The following COL18A1 variants were observed in gnomAD, a reference collection of about 807,000 sequenced individuals.
The protein encoded by COL18A1 is collagen alpha-1(XVIII) chain.
COL18A1 carries 133 observed loss-of-function variants against 168.0 expected under a neutral mutation model. The observed-to-expected ratio is 0.79, with a 90% confidence interval of 0.69 to 0.91. The LOEUF is 0.91. Among genes scored for constraint, COL18A1 ranks in the 40% least tolerant of loss-of-function variants. The pLI is 0.00. For missense variants in COL18A1, 2,126 were observed against 1,925.4 expected (o/e 1.10, Z -1.95); for synonymous variants, 949 against 809.0 (o/e 1.17, Z -2.94).
At chr21:45,429,874 A>G (rs1455961565) in intron 2 of COL18A1, among the ~76,000 whole-genome samples, 1 of 151,518 alleles carries the variant, frequency 6.6e-6, no homozygotes, top group African/African-American at 2.4e-5. Context: ...GTGCCAGGCC[A>G]GGAGTGCTGT....
chr21:45,419,512 C>A (rs1416329547), intron 2 of COL18A1, among the ~76,000 whole-genome samples: 1 of 152,064 alleles, frequency 6.6e-6, no homozygotes, highest in African/African-American at 2.4e-5. Context: ...ACTGTTCGGG[C>A]CCTGGGGTGG....
Position 45,505,437 on chromosome 21 carries a change from T to A in COL18A1, c.3087+6T>A. The A allele has an allele frequency of 6.6e-7, 1 of 1,513,436 alleles. No homozygotes were observed. The highest frequency in any genetic ancestry group is 9.1e-7 in the Non-Finnish European group (1 of 1,103,332). 93.8% of individuals were successfully genotyped at this position (1,513,436 alleles called of 1,614,324 possible). ...CCATGGGCGCCTCCTCAGGGGTAAGTGTCTGGGCAGCCGGCTGGGCACCTG... is the reference window on the plus strand; with the variant it reads ...CCATGGGCGCCTCCTCAGGGGTAAGAGTCTGGGCAGCCGGCTGGGCACCTG... On this transcript the variant is annotated splice_donor_region_variant and intron_variant, in intron 36 of 41. Coordinates refer to ENST00000651438, the MANE Select transcript of COL18A1 (RefSeq NM_001379500.1).
chr21:45,423,606 C>T lies in COL18A1; in HGVS notation c.106+18133C>T, dbSNP rs1300808191. Among the ~76,000 whole-genome samples, 5 of 152,082 alleles carry T rather than the reference C, an allele frequency of 3.3e-5. No homozygotes were observed. Among genetic ancestry groups the T allele is most frequent in the African/African-American group, 9.7e-5 (4 of 41,376 alleles). On this transcript the variant is annotated intron_variant, in intron 2 of 41. Coordinates refer to ENST00000651438, the MANE Select transcript of COL18A1 (RefSeq NM_001379500.1). The surrounding 1 kb of genome is among the most constrained non-coding windows in gnomAD (Gnocchi z 4.0). ...TCAGCCCAGGTTGTCCCCACCCCCA[C>T]CTGAGTTACTGCGGAACCAAGGGGC...
chr21:45,468,424 C>T lies in COL18A1; in HGVS notation c.289C>T (p.His97Tyr). 5 of 1,614,060 alleles carry T rather than the reference C, an allele frequency of 3.1e-6. No homozygotes were observed. Among genetic ancestry groups the T allele is most frequent in the Non-Finnish European group, 4.2e-6 (5 of 1,180,038 alleles). ...CTTCCGTGACTTCTCACTGCTGTTC[C>T]ACATCCGGCCAGCCACAGAGGGCCC... Reference protein sequence around the residue: ...LFFRDFSLLFHIRPATEGPGV... With the variant: ...LFFRDFSLLFYIRPATEGPGV... The change falls in exon 3 of 42, where the codon CAC becomes TAC. Residue 97 changes from histidine to tyrosine, a missense_variant. Transcript: ENST00000651438.
intron 2 of COL18A1, among the ~76,000 whole-genome samples, chr21:45,438,304 T>C (rs1244157903): frequency 1.5e-5 from 1 of 68,724 alleles, no homozygotes. Flanking sequence ...ACACACACAC[T>C]CAGACACACA....
chr21:45,418,677 C>T (rs796693012), intron 2 of COL18A1, among the ~76,000 whole-genome samples: 51 of 152,274 alleles, frequency 3.3e-4, no homozygotes, highest in African/African-American at 1.2e-3. Context: ...CCTGGGGTCT[C>T]AGGGAAGCGG....
At chr21:45,501,606 G>A (rs1568935388) in intron 32 of COL18A1, among the ~76,000 whole-genome samples, 1 of 152,140 alleles carries the variant, frequency 6.6e-6, no homozygotes, top group Non-Finnish European at 1.5e-5. Flanking sequence ...CACTGCAGCC[G>A]CAGGGGCCTT....
intron 2 of COL18A1, among the ~76,000 whole-genome samples, chr21:45,445,127 T>A (rs980704043): frequency 6.6e-6 from 1 of 152,128 alleles, no homozygotes; most frequent in African/African-American, 2.4e-5. Flanking sequence ...CCGCCCTCCC[T>A]CCCTCCAGTC....
chr21:45,512,411 T>C lies in COL18A1; in HGVS notation c.*13T>C, dbSNP rs747722915. 4 of 1,611,026 alleles carry C rather than the reference T, an allele frequency of 2.5e-6. No homozygotes were observed. In the Admixed American group the frequency reaches 6.7e-5, roughly 27 times the overall value. On this transcript the variant is annotated 3_prime_UTR_variant, in exon 42 of 42. Transcript: ENST00000651438. ...TGCCTCCAAGTAGCCACCGCCTGGA[T>C]GCGGATGGCCGGAGAGGACCGGCGG...
chr21:45,509,510 C>T lies in COL18A1; in HGVS notation c.3404C>T (p.Pro1135Leu), dbSNP rs757216963. 3.3e-6 allele frequency: 5 copies of T among 1,533,344 alleles called. No homozygotes were observed. The South Asian group carries it at 5.9e-5, about 18-fold the overall frequency. 95.0% of individuals were successfully genotyped at this position (1,533,344 alleles called of 1,614,324 possible). ...PPRLPEPQPY[P>L]GAPHHSSYVH... ...CGCCTGCCCGAGCCCCAGCCCTACC[C>T]CGGAGCCCCGCACCACAGCTCCTAC... The change falls in exon 39 of 42, where the codon CCC (proline) becomes CTC (leucine). Residue 1135 changes from proline to leucine, a missense_variant. Transcript: ENST00000651438.
intron 2 of COL18A1, chr21:45,456,599 C>T (rs2034827662): frequency 1.3e-6 from 2 of 1,541,556 alleles, no homozygotes; most frequent in East Asian, 2.4e-5. Context: ...GCTGCCCAAC[C>T]ACCTCCACCA....
chr21:45,408,843 A>C (rs1312418897), intron 2 of COL18A1, among the ~76,000 whole-genome samples: 1 of 152,178 alleles, frequency 6.6e-6, no homozygotes, highest in Non-Finnish European at 1.5e-5. Context: ...CTCCAGGTGA[A>C]GCCTAGGGAT....
chr21:45,468,104 A>G (rs2035279706), intron 2 of COL18A1, 138 bp from the exon 3 acceptor site: 1 of 884,560 alleles, frequency 1.1e-6, no homozygotes, highest in Admixed American at 2.3e-5. Flanking sequence ...GGATCAGGGC[A>G]GGCTGCCAGG....
At chr21:45,510,954 A>ACACATCCACAACAC (rs2037548187) in intron 40 of COL18A1, among the ~76,000 whole-genome samples, 157 bp from the exon 41 acceptor site, 2 of 6,268 alleles carry the variant, frequency 3.2e-4, no homozygotes, top group African/African-American at 1.6e-3. Context: ...CACCCACAAC[A>ACACATCCACAACAC]CCCCACATAC....
Position 45,476,455 on chromosome 21 carries a change from G to A in COL18A1, c.903G>A (p.Glu301=). 1 of 1,613,120 alleles carries A rather than the reference G, an allele frequency of 6.2e-7. No homozygotes were observed. The highest frequency in any genetic ancestry group is 8.5e-7 in the Non-Finnish European group (1 of 1,179,600). ...ATTCCAGAAGTGAAGAAGTCGAGGA[G>A]CAGACCACGGTGGCTTCGTTAGGAG... ...TEDSRSEEVE[E]QTTVASLGAQ... The change falls in exon 6 of 42, where the codon GAG becomes GAA. Residue 301 remains glutamate, a synonymous_variant. Coordinates refer to ENST00000651438, the MANE Select transcript of COL18A1 (RefSeq NM_001379500.1).
Position 45,468,703 on chromosome 21 carries a change from C to T in COL18A1, c.568C>T (p.Arg190Trp), listed in dbSNP as rs772265744. Residue 190 changes from arginine to tryptophan, a missense_variant, in exon 3 of 42, where the codon CGG (arginine) becomes TGG (tryptophan). Physicochemically the swap from Arg to Trp is moderately radical, Grantham distance 101 (BLOSUM62 -3). Coordinates refer to ENST00000651438, the MANE Select transcript of COL18A1 (RefSeq NM_001379500.1). ...CEEFQRMPLARSSRGLELEPG... is the reference protein window; with the variant it reads ...CEEFQRMPLAWSSRGLELEPG... ...GGAGTTCCAGAGAATGCCGCTTGCTCGGTCCTCACGGGGCCTGGAGCTGGA... is the reference window on the plus strand; with the variant it reads ...GGAGTTCCAGAGAATGCCGCTTGCTTGGTCCTCACGGGGCCTGGAGCTGGA... The T allele has an allele frequency of 7.4e-6, 12 of 1,613,094 alleles. No individual in the cohort carries two copies. The highest frequency in any genetic ancestry group is 5.3e-5 in the African/African-American group (4 of 74,936).
chr21:45,504,489 G>A lies in COL18A1; in HGVS notation c.2801G>A (p.Gly934Asp), dbSNP rs1023279735. ...GAGCCCGGGGGCGGCGGTTTCTTCG[G>A]CTCCAGCCTGCCCGGCCCCCCCGGC... ...RGEPGGGGFFGSSLPGPPGPP... is the reference protein window; with the variant it reads ...RGEPGGGGFFDSSLPGPPGPP... The change falls in exon 34 of 42, where the codon GGC (glycine) becomes GAC (aspartate). Residue 934 changes from glycine (G) to aspartate (D), a missense_variant. Physicochemically the swap from Gly to Asp is moderately conservative, Grantham distance 94 (BLOSUM62 -1). Transcript: ENST00000651438. The A allele has an allele frequency of 1.9e-6, 3 of 1,578,578 alleles. No homozygotes were observed. The highest frequency in any genetic ancestry group is 2.6e-6 in the Non-Finnish European group (3 of 1,169,114).
chr21:45,482,716 C>T lies in COL18A1; in HGVS notation c.1675-79C>T, dbSNP rs1031332443. 3 of 1,609,742 alleles carry T rather than the reference C, an allele frequency of 1.9e-6. No homozygotes were observed. In the Admixed American group the frequency reaches 5.0e-5, roughly 27 times the overall value. On this transcript the variant is annotated intron_variant, in intron 14 of 41. Transcript: ENST00000651438. ...CAGGGACCCGGGTCGGGGCACAGTT[C>T]CTGGCAGGGCGATGTGCCTTCCTCT...
Position 45,405,298 on chromosome 21 carries a change from C to CTGCGGGGCT in COL18A1, c.11+57_11+58insTGCGGGGCT, listed in dbSNP as rs1461390052. 1.4e-4 allele frequency: 75 copies of CTGCGGGGCT among 521,988 alleles called. 1 individual carries two copies. In the East Asian group the frequency reaches 2.0e-3, roughly 14 times the overall value. The allele number at this position is 521,988 out of a possible 1,614,324, so 32.3% of individuals were successfully genotyped here. On this transcript the variant is annotated intron_variant, in intron 1 of 41. Coordinates refer to ENST00000651438, the MANE Select transcript of COL18A1 (RefSeq NM_001379500.1). ...GACGCCAAGATGCGGCTGCGGGGGT[C>CTGCGGGGCT]GCGGGGGTCGCGGGGCTCGGCCGGG...
Sources: allele counts gnomAD v4.1 joint callset (sites outside exome capture counted in the v4.1 genomes callset), GRCh38; gene constraint gnomAD v4.1.1; non-coding constraint Gnocchi (gnomAD v3.1); transcripts MANE v1.5; gene names NCBI Gene and HGNC (gene_info 2026-07-23, HGNC 2026-07-21).